Variants in NAV3 observed in about 807,000 individuals in gnomAD.
The protein encoded by NAV3 is pore membrane and/or filament interacting like protein 1.
A neutral mutation model predicts 244.7 loss-of-function variants in NAV3; 87 were observed. That is an observed-to-expected ratio of 0.36 (90% CI 0.30 to 0.42). The LOEUF is 0.42. Ranked by LOEUF, NAV3 falls within the 20% of genes least tolerant of loss-of-function variation. The probability of loss-of-function intolerance (pLI) is 1.00; values close to 1 mark genes in which losing one functional copy is unlikely to be tolerated. For missense variants in NAV3, 2,663 were observed against 2,893.3 expected, an observed-to-expected ratio of 0.92 and a Z score of 1.83; for synonymous variants, 1,126 against 1,042.2, an observed-to-expected ratio of 1.08 and a Z score of -1.55.
At chr12:77,856,401 A>C (rs1320300445) in intron 1 of NAV3, among the ~76,000 whole-genome samples, 3 of 152,146 alleles carry the variant, frequency 2.0e-5, no homozygotes, top group Non-Finnish European at 4.4e-5. Flanking sequence ...GTTGGGCCCC[A>C]AGGAGTGTTT....
At chr12:77,982,130 T>C (rs1869681716) in intron 5 of NAV3, among the ~76,000 whole-genome samples, 1 of 152,226 alleles carries the variant, frequency 6.6e-6, no homozygotes, top group African/African-American at 2.4e-5. Context: ...TACATCTATT[T>C]AAAAATTACT....
intron 38 of NAV3, 133 bp downstream of exon 38, chr12:78,200,724 A>G (rs1959577882): frequency 2.3e-6 from 1 of 436,518 alleles, no homozygotes; most frequent in Non-Finnish European, 3.9e-6. Context: ...TAGAGCAATA[A>G]GGTTTTCAAG....
intron 27 of NAV3, 136 bp downstream of exon 27, chr12:78,177,449 C>T (rs1958284374): frequency 8.6e-7 from 1 of 1,161,868 alleles, no homozygotes; most frequent in African/African-American, 1.6e-5. Flanking sequence ...ATTAGTTTCT[C>T]TTTTCATATT....
intron 5 of NAV3, among the ~76,000 whole-genome samples, chr12:77,993,348 C>CA (rs1871774158): frequency 6.6e-6 from 1 of 152,140 alleles, no homozygotes; most frequent in Non-Finnish European, 1.5e-5. Flanking sequence ...AAAGGCTTTT[C>CA]CTCACTTTGA....
rs144580270 is a variant in NAV3 at position 77,938,410 on chromosome 12, A to G, written c.244-1909A>G. Among the ~76,000 whole-genome samples, 10 of 152,276 alleles carry G rather than the reference A, an allele frequency of 6.6e-5. No individual in the cohort carries two copies. The East Asian group carries it at 1.9e-3, about 29-fold the overall frequency. ...TTTTTCTTACCCTTCAATATCTTCA[A>G]CATAGAGATCATGGATATTAATAAA... On this transcript the variant is annotated intron_variant, in intron 1 of 39. Transcript: ENST00000397909.
intron 7 of NAV3, among the ~76,000 whole-genome samples, chr12:77,999,912 T>C (rs994986133): frequency 1.3e-5 from 2 of 152,140 alleles, no homozygotes; most frequent in Non-Finnish European, 2.9e-5. Flanking sequence ...GAAATAAAGA[T>C]GTGTTAAATA....
intron 2 of NAV3, among the ~76,000 whole-genome samples, chr12:77,797,815 G>T (rs1217145121): frequency 6.6e-6 from 1 of 151,036 alleles, no homozygotes. Context: ...CTCCAGCCTG[G>T]GTGACAAAGC....
chr12:78,037,246 C>T lies in NAV3; in HGVS notation c.2024-12747C>T, dbSNP rs1330631878. 1.1e-4 allele frequency: 80 copies of T among 702,792 alleles called. 1 individual carries two copies. The Admixed American group carries it at 1.6e-3, about 14-fold the overall frequency. The allele number at this position is 702,792 out of a possible 1,614,324, so 43.5% of individuals were successfully genotyped here. On this transcript the variant is annotated intron_variant, in intron 9 of 39. Transcript: ENST00000397909. ...AGGTCTGAAGATGAAAACGTGTCCT[C>T]CAAGCCAAGCAGCATCAGCAGAAGC...
intron 3 of NAV3, among the ~76,000 whole-genome samples, chr12:77,961,694 TATATA>T (rs1355435854): frequency 1.8e-4 from 27 of 147,736 alleles, no homozygotes; most frequent in South Asian, 4.2e-4. Context: ...TAATATATGT[TATATA>T]ATATAAGTAA....
intron 2 of NAV3, among the ~76,000 whole-genome samples, chr12:77,616,812 C>G (rs538978019): frequency 6.6e-6 from 1 of 152,040 alleles, no homozygotes; most frequent in African/African-American, 2.4e-5. Flanking sequence ...AAACTTATTG[C>G]TAGCTGTGTA....
intron 22 of NAV3, among the ~76,000 whole-genome samples, chr12:78,153,881 A>G (rs1291730950): frequency 6.6e-6 from 1 of 151,768 alleles, no homozygotes; most frequent in African/African-American, 2.4e-5. Context: ...TATTAATGAG[A>G]AACACTTCAG....
intron 9 of NAV3, among the ~76,000 whole-genome samples, chr12:78,032,515 C>T (rs772012846): frequency 1.1e-4 from 17 of 152,198 alleles, no homozygotes; most frequent in Admixed American, 3.9e-4. Flanking sequence ...TTTTTAAGTA[C>T]GTCACTTAAA....
chr12:77,861,545 A>G (rs909642782), intron 1 of NAV3, among the ~76,000 whole-genome samples: 1 of 151,910 alleles, frequency 6.6e-6, no homozygotes. Flanking sequence ...AAGCAGAGAC[A>G]GTTAAATAAC....
intron 9 of NAV3, among the ~76,000 whole-genome samples, chr12:78,035,731 T>C (rs959145475): frequency 6.6e-6 from 1 of 152,224 alleles, no homozygotes; most frequent in Non-Finnish European, 1.5e-5. Context: ...TCTATTTCCT[T>C]TTTGTTTTTA....
intron 1 of NAV3, among the ~76,000 whole-genome samples, chr12:77,918,994 C>A (rs1040188307): frequency 6.6e-6 from 1 of 151,900 alleles, no homozygotes; most frequent in African/African-American, 2.4e-5. Flanking sequence ...AGAATATAAA[C>A]AATGGGCAAG....
intron 2 of NAV3, among the ~76,000 whole-genome samples, chr12:77,676,385 C>T (rs531910334): frequency 6.6e-6 from 1 of 152,182 alleles, no homozygotes; most frequent in East Asian, 1.9e-4. Flanking sequence ...TGGCCTCTTC[C>T]AGGCAGATGA....
intron 1 of NAV3, among the ~76,000 whole-genome samples, chr12:77,922,544 G>A (rs1305823624): frequency 6.6e-6 from 1 of 152,042 alleles, no homozygotes; most frequent in Non-Finnish European, 1.5e-5. Context: ...TTCTGGACCT[G>A]AACAGGCCAC....
At chr12:77,845,237 G>C (rs981906515) in intron 1 of NAV3, among the ~76,000 whole-genome samples, 2 of 152,054 alleles carry the variant, frequency 1.3e-5, no homozygotes, top group South Asian at 4.2e-4. Flanking sequence ...GTCTTGTTTT[G>C]AAGAAAAACA....
At chr12:78,128,953 C>A (rs888608357) in intron 18 of NAV3, 87 bp downstream of exon 18, 1 of 1,273,308 alleles carries the variant, frequency 7.9e-7, no homozygotes, top group East Asian at 2.4e-5. Flanking sequence ...TAACACAACA[C>A]GTTTTCATTT....
Sources: gnomAD v4.1 joint callset for allele counts (sites outside exome capture counted in the v4.1 genomes callset) on GRCh38, gnomAD v4.1.1 for gene constraint, MANE v1.5 for transcripts, NCBI Gene and HGNC (gene_info 2026-07-23, HGNC 2026-07-21) for gene names.